Variants in NCOA2 observed in about 807,000 individuals in gnomAD.
NCOA2 encodes the protein nuclear receptor coactivator 2.
In NCOA2, 21 loss-of-function variants were observed where a neutral mutation model predicts 145.1. That is an observed-to-expected ratio of 0.14 (90% CI 0.10 to 0.21). The LOEUF is 0.21. Ranked by LOEUF, NCOA2 falls within the 10% of genes least tolerant of loss-of-function variation. NCOA2 has a pLI of 1.00. For synonymous variants in NCOA2, 619 were observed against 637.5 expected, an observed-to-expected ratio of 0.97 and a Z score of 0.44; for missense variants, 1,472 against 1,837.6, an observed-to-expected ratio of 0.80 and a Z score of 3.64.
chr8:70,369,431 T>C (rs16936953), intron 1 of NCOA2, among the ~76,000 whole-genome samples: 5,919 of 152,268 alleles, frequency 0.039, 380 homozygotes, highest in African/African-American at 0.13. Flanking sequence ...AAAAACTCAC[T>C]TATAATGAAA....
chr8:70,308,435 G>T (rs1462611277), intron 1 of NCOA2, among the ~76,000 whole-genome samples: 2 of 150,938 alleles, frequency 1.3e-5, no homozygotes, highest in East Asian at 3.9e-4. Context: ...ATGAAATGAG[G>T]TGTGTGTGTG....
intron 2 of NCOA2, among the ~76,000 whole-genome samples, chr8:70,281,982 T>C (rs1312433881): frequency 6.6e-6 from 1 of 152,244 alleles, no homozygotes; most frequent in Non-Finnish European, 1.5e-5. Flanking sequence ...AATTTTATCT[T>C]TCTCTACAAC....
At chr8:70,266,152 A>T (rs917350313) in intron 2 of NCOA2, among the ~76,000 whole-genome samples, 1 of 151,662 alleles carries the variant, frequency 6.6e-6, no homozygotes, top group African/African-American at 2.4e-5. Context: ...TCCGTCTCAA[A>T]AACAAAAACA....
At chr8:70,139,644 CTTTTTTTTTT>C (rs911504754) in intron 14 of NCOA2, among the ~76,000 whole-genome samples, 1 of 91,856 alleles carries the variant, frequency 1.1e-5, no homozygotes, top group African/African-American at 5.1e-5. Context: ...CGCTGGCCAT[CTTTTTTTTTT>C]TTTTTTTTTT....
intron 2 of NCOA2, chr8:70,273,480 C>G: frequency 1.6e-6 from 1 of 638,232 alleles, no homozygotes; most frequent in Non-Finnish European, 2.7e-6. Context: ...ACAGCCACAG[C>G]AAATGATAAA....
the NCOA2 span, among the ~76,000 whole-genome samples, chr8:70,417,314 C>T: frequency 6.7e-5 from 10 of 149,364 alleles, no homozygotes; most frequent in East Asian, 4.0e-4. Context: ...TTTGGGAAGC[C>T]GAGGTGGGTG....
chr8:70,265,357 G>A (rs1449004959), intron 2 of NCOA2, among the ~76,000 whole-genome samples: 3 of 152,100 alleles, frequency 2.0e-5, no homozygotes, highest in Non-Finnish European at 4.4e-5. Flanking sequence ...CCCTGCCTCC[G>A]GAACTGTGAG....
At chr8:70,158,047 A>C (rs1812487135) in intron 10 of NCOA2, among the ~76,000 whole-genome samples, 1 of 152,252 alleles carries the variant, frequency 6.6e-6, no homozygotes, top group Admixed American at 6.5e-5. Context: ...TGAGTTACCA[A>C]ATGTGTTCAC....
At chr8:70,165,940 C>T (rs1813565013) in intron 7 of NCOA2, among the ~76,000 whole-genome samples, 1 of 152,218 alleles carries the variant, frequency 6.6e-6, no homozygotes, top group Admixed American at 6.5e-5. Flanking sequence ...CTGCCTCAGC[C>T]TCCTGAGTAG....
At chr8:70,301,533 T>C (rs1200345126) in intron 1 of NCOA2, among the ~76,000 whole-genome samples, 1 of 151,610 alleles carries the variant, frequency 6.6e-6, no homozygotes, top group African/African-American at 2.4e-5. Flanking sequence ...CGCATGTCTG[T>C]AGTCTCAGAT....
At chr8:70,442,855 T>C in the NCOA2 span, among the ~76,000 whole-genome samples, 1 of 152,200 alleles carries the variant, frequency 6.6e-6, no homozygotes, top group Non-Finnish European at 1.5e-5. Context: ...AGCCATTTTA[T>C]ACCTCTTCTG....
At chr8:70,167,030 T>A (rs941047807) in intron 6 of NCOA2, among the ~76,000 whole-genome samples, 1 of 152,212 alleles carries the variant, frequency 6.6e-6, no homozygotes, top group African/African-American at 2.4e-5. Context: ...TCAAAACATT[T>A]TCTACACTAC....
At chr8:70,142,629 G>A (rs972838075) in intron 13 of NCOA2, among the ~76,000 whole-genome samples, 6 of 152,174 alleles carry the variant, frequency 3.9e-5, no homozygotes, top group Non-Finnish European at 8.8e-5. Flanking sequence ...AGCCTGGGAG[G>A]TTGAAGCTAT....
intron 4 of NCOA2, 65 bp from the exon 5 acceptor site, chr8:70,174,924 G>T: frequency 7.1e-7 from 1 of 1,406,262 alleles, no homozygotes. Context: ...ACACAGAAAT[G>T]TTTTTACTGT....
chr8:70,441,080 A>AGG, the NCOA2 span, among the ~76,000 whole-genome samples: 1 of 114,542 alleles, frequency 8.7e-6, no homozygotes, highest in East Asian at 2.8e-4. Flanking sequence ...AAGAAAGGAA[A>AGG]GAGAGAGGAA....
the NCOA2 span, among the ~76,000 whole-genome samples, chr8:70,419,823 A>G: frequency 2.0e-5 from 3 of 152,252 alleles, no homozygotes; most frequent in East Asian, 5.8e-4. Flanking sequence ...TGCTATTGAT[A>G]TAACTATAAT....
rs117290871 is a variant in NCOA2 at position 70,236,909 on chromosome 8, T to C, written c.-19-20145A>G. Among the ~76,000 whole-genome samples, 894 of 152,274 alleles carry C rather than the reference T, an allele frequency of 5.9e-3. 6 individuals are homozygous for C. Among genetic ancestry groups the C allele is most frequent in the Middle Eastern group, 0.01 (3 of 294 alleles). On this transcript the variant is annotated intron_variant, in intron 2 of 22. Coordinates refer to ENST00000452400, the MANE Select transcript of NCOA2 (RefSeq NM_006540.4). ...AATCCCCTGTAATACTGAAGAACAGTTGCATATAACTCTACCATTAATCAT... is the reference window on the plus strand; with the variant it reads ...AATCCCCTGTAATACTGAAGAACAGCTGCATATAACTCTACCATTAATCAT...
intron 2 of NCOA2, among the ~76,000 whole-genome samples, chr8:70,293,189 G>T (rs1374095705): frequency 6.6e-6 from 1 of 152,112 alleles, no homozygotes; most frequent in Non-Finnish European, 1.5e-5. Context: ...TTTTAGTTTA[G>T]ATTAATACTG....
chr8:70,277,656 A>C (rs1317854805), intron 2 of NCOA2, among the ~76,000 whole-genome samples: 1 of 152,204 alleles, frequency 6.6e-6, no homozygotes, highest in Non-Finnish European at 1.5e-5. Flanking sequence ...TGCTATTTTT[A>C]GGTCACGTTT....
Sources: gnomAD v4.1 joint callset for allele counts (sites outside exome capture counted in the v4.1 genomes callset) on GRCh38, gnomAD v4.1.1 for gene constraint, MANE v1.5 for transcripts, NCBI Gene and HGNC (gene_info 2026-07-23, HGNC 2026-07-21) for gene names.